ANO6: variants seen among roughly 807,000 people sequenced by gnomAD.
ANO6 encodes the protein anoctamin 6.
Under a neutral mutation model 117.5 loss-of-function variants are expected in ANO6, and 106 were observed. That is an observed-to-expected ratio of 0.90 (90% CI 0.77 to 1.06). ANO6 has a LOEUF of 1.06. ANO6 is among the 50% of genes least tolerant of loss of function. The pLI, the probability that ANO6 is intolerant of heterozygous loss-of-function variation, is 0.00. For missense variants in ANO6, 955 were observed against 1,121.1 expected (o/e 0.85, Z 2.12); for synonymous variants, 367 against 385.1 (o/e 0.95, Z 0.55).
At chr12:45,290,186 A>C (rs1398585861) in intron 1 of ANO6, among the ~76,000 whole-genome samples, 2 of 151,350 alleles carry the variant, frequency 1.3e-5, no homozygotes, top group African/African-American at 4.9e-5. Context: ...TTTTTTTTTA[A>C]TTCTGAAAAA....
chr12:45,329,629 G>A (rs1382549302), intron 2 of ANO6, among the ~76,000 whole-genome samples: 1 of 152,078 alleles, frequency 6.6e-6, no homozygotes, highest in Non-Finnish European at 1.5e-5. Flanking sequence ...TCCACCAAAG[G>A]CAACAGAATG....
intron 1 of ANO6, among the ~76,000 whole-genome samples, chr12:45,217,222 G>T (rs964197355): frequency 6.6e-6 from 1 of 152,170 alleles, no homozygotes; most frequent in East Asian, 1.9e-4. Context: ...GGTCCCTAAA[G>T]AGAACACTGT....
intron 10 of ANO6, among the ~76,000 whole-genome samples, chr12:45,386,395 G>A (rs1942299340): frequency 6.6e-6 from 1 of 152,282 alleles, no homozygotes; most frequent in East Asian, 1.9e-4. Flanking sequence ...GTCTCCTCTT[G>A]CACACTTGAC....
chr12:45,342,220 C>A (rs548980734), intron 3 of ANO6, among the ~76,000 whole-genome samples: 1 of 152,260 alleles, frequency 6.6e-6, no homozygotes, highest in South Asian at 2.1e-4. Context: ...GAGAGAGTCC[C>A]TTGAAGGTGA....
chr12:45,394,047 T>G (rs1158456653), intron 12 of ANO6, among the ~76,000 whole-genome samples: 1 of 152,160 alleles, frequency 6.6e-6, no homozygotes, highest in Non-Finnish European at 1.5e-5. Flanking sequence ...AGACACAGAC[T>G]GGCAGATTGG....
At chr12:45,344,652 T>G (rs1941077624) in intron 3 of ANO6, among the ~76,000 whole-genome samples, 1 of 152,076 alleles carries the variant, frequency 6.6e-6, no homozygotes, top group Admixed American at 6.6e-5. Context: ...GACATGACAT[T>G]TGGGCAAAGA....
At chr12:45,407,361 G>A (rs977923548) in intron 15 of ANO6, among the ~76,000 whole-genome samples, 18 of 151,990 alleles carry the variant, frequency 1.2e-4, no homozygotes, top group African/African-American at 3.9e-4. Flanking sequence ...AGCAAGAGGC[G>A]GAGGCTAGAA....
chr12:45,333,926 C>T (rs933189278), intron 3 of ANO6, among the ~76,000 whole-genome samples: 4 of 152,016 alleles, frequency 2.6e-5, no homozygotes, highest in Non-Finnish European at 4.4e-5. Context: ...CCAAGCTTGA[C>T]TTCACCAGAG....
At chr12:45,269,756 G>A (rs1938334085) in intron 1 of ANO6, among the ~76,000 whole-genome samples, 1 of 152,200 alleles carries the variant, frequency 6.6e-6, no homozygotes, top group African/African-American at 2.4e-5. Flanking sequence ...ATTTCCCACT[G>A]GTTGATGCAC....
chr12:45,216,855 C>T (rs1296702713), intron 1 of ANO6, among the ~76,000 whole-genome samples: 1 of 152,158 alleles, frequency 6.6e-6, no homozygotes, highest in African/African-American at 2.4e-5. Context: ...AAAAGCCGAC[C>T]GACGGCTCTG....
intron 1 of ANO6, among the ~76,000 whole-genome samples, chr12:45,231,163 T>C (rs1010300129): frequency 4.6e-5 from 7 of 152,232 alleles, no homozygotes; most frequent in African/African-American, 1.7e-4. Flanking sequence ...AGAATTTTTA[T>C]TCCTTAAGTA....
chr12:45,357,216 C>A, intron 7 of ANO6, 74 bp from the exon 8 acceptor site: 1 of 1,539,068 alleles, frequency 6.5e-7, no homozygotes, highest in Non-Finnish European at 8.9e-7. Context: ...TATTTAAAAT[C>A]AGAAATTAAT....
At chr12:45,326,269 A>G (rs186296723) in intron 2 of ANO6, among the ~76,000 whole-genome samples, 132 of 152,324 alleles carry the variant, frequency 8.7e-4, no homozygotes, top group Non-Finnish European at 1.6e-3. Context: ...AGTGAACTAC[A>G]TCTATCCTTG....
At chr12:45,312,579 A>G (rs1287472395) in intron 2 of ANO6, among the ~76,000 whole-genome samples, 1 of 152,060 alleles carries the variant, frequency 6.6e-6, no homozygotes, top group African/African-American at 2.4e-5. Context: ...AGTTAACTGT[A>G]GTTTTCCTTA....
At chr12:45,345,328 A>C (rs1236416707) in intron 3 of ANO6, among the ~76,000 whole-genome samples, 1 of 152,118 alleles carries the variant, frequency 6.6e-6, no homozygotes, top group African/African-American at 2.4e-5. Flanking sequence ...CTGCAGCTTC[A>C]CCTACTTCTA....
chr12:45,275,164 A>G (rs1055529063), intron 1 of ANO6, among the ~76,000 whole-genome samples: 5 of 151,878 alleles, frequency 3.3e-5, no homozygotes, highest in African/African-American at 9.7e-5. Context: ...AGACCCTTAG[A>G]TCCGTCTCCA....
chr12:45,439,279 A>G (rs1943743292), intron 19 of ANO6, among the ~76,000 whole-genome samples: 1 of 152,194 alleles, frequency 6.6e-6, no homozygotes, highest in South Asian at 2.1e-4. Context: ...CACAGGTCAC[A>G]CAGAGGCCAA....
At chr12:45,408,885 A>G (rs572755653) in intron 15 of ANO6, among the ~76,000 whole-genome samples, 1 of 152,144 alleles carries the variant, frequency 6.6e-6, no homozygotes, top group South Asian at 2.1e-4. Context: ...CTTATTCAAC[A>G]TCATTCTGAA....
At chr12:45,334,842 A>G (rs1174265906) in intron 3 of ANO6, among the ~76,000 whole-genome samples, 3 of 152,062 alleles carry the variant, frequency 2.0e-5, no homozygotes, top group African/African-American at 7.2e-5. Flanking sequence ...ATATTTCTCC[A>G]ACTCCTCTTG....
Sources: allele counts gnomAD v4.1 joint callset (sites outside exome capture counted in the v4.1 genomes callset), GRCh38; gene constraint gnomAD v4.1.1; transcripts MANE v1.5; gene names NCBI Gene and HGNC (gene_info 2026-07-23, HGNC 2026-07-21).